Variants in TMC1 observed in about 807,000 individuals in gnomAD.
The protein encoded by TMC1 is transmembrane channel-like protein 1.
In TMC1, 84 loss-of-function variants were observed where a neutral mutation model predicts 105.8. The observed-to-expected ratio is 0.79, with a 90% confidence interval of 0.67 to 0.95. The LOEUF (loss-of-function observed/expected upper bound fraction) is 0.95. Ranked by LOEUF, TMC1 falls within the 40% of genes least tolerant of loss-of-function variation. The pLI is 0.00. For synonymous variants in TMC1, 315 were observed against 311.5 expected (o/e 1.01, Z -0.12); for missense variants, 817 against 914.1 (o/e 0.89, Z 1.37).
At chr9:72,711,774 T>C (rs1291118984) in intron 8 of TMC1, among the ~76,000 whole-genome samples, 2 of 152,236 alleles carry the variant, frequency 1.3e-5, no homozygotes, top group Admixed American at 6.5e-5. Context: ...TCAGTGTAAT[T>C]AGATCCCATT....
chr9:72,819,039 T>C (rs1828831328), intron 19 of TMC1, among the ~76,000 whole-genome samples: 1 of 152,208 alleles, frequency 6.6e-6, no homozygotes, highest in Admixed American at 6.5e-5. Flanking sequence ...ATTTTAGAAT[T>C]GATCAGGTTA....
At chr9:72,640,032 G>C (rs1460792840) in intron 4 of TMC1, among the ~76,000 whole-genome samples, 2 of 151,922 alleles carry the variant, frequency 1.3e-5, no homozygotes, top group African/African-American at 4.8e-5. Context: ...CATATTTCTG[G>C]TTTTGCCAAT....
intron 5 of TMC1, among the ~76,000 whole-genome samples, chr9:72,677,820 A>T (rs1429631417): frequency 1.3e-5 from 2 of 152,242 alleles, no homozygotes; most frequent in Non-Finnish European, 2.9e-5. Context: ...TCATTGATTG[A>T]TCAAGTAACC....
At chr9:72,657,080 A>G (rs1825895667) in intron 5 of TMC1, among the ~76,000 whole-genome samples, 1 of 152,216 alleles carries the variant, frequency 6.6e-6, no homozygotes, top group Non-Finnish European at 1.5e-5. Flanking sequence ...TATTCAGCCA[A>G]AGTTTGAAAG....
intron 17 of TMC1, among the ~76,000 whole-genome samples, chr9:72,798,374 C>G (rs1828409131): frequency 6.6e-6 from 1 of 152,020 alleles, no homozygotes; most frequent in African/African-American, 2.4e-5. Flanking sequence ...GGTATATACC[C>G]AGAGGTATAT....
chr9:72,701,214 T>A (rs1013723856), intron 8 of TMC1, among the ~76,000 whole-genome samples: 1 of 152,146 alleles, frequency 6.6e-6, no homozygotes, highest in Non-Finnish European at 1.5e-5. Context: ...GAATAGTAAA[T>A]AGGATTCCAA....
intron 1 of TMC1, among the ~76,000 whole-genome samples, chr9:72,553,368 C>T (rs1823887121): frequency 6.6e-6 from 1 of 152,054 alleles, no homozygotes; most frequent in Non-Finnish European, 1.5e-5. Context: ...TTATTATTTG[C>T]CATTTTAACC....
intron 1 of TMC1, among the ~76,000 whole-genome samples, chr9:72,536,927 C>T (rs1207328903): frequency 6.6e-6 from 1 of 152,214 alleles, no homozygotes; most frequent in Non-Finnish European, 1.5e-5. Context: ...TGATCTGACC[C>T]TATGGCAGAC....
intron 2 of TMC1, among the ~76,000 whole-genome samples, chr9:72,598,039 A>C (rs1403670550): frequency 6.6e-6 from 1 of 151,054 alleles, no homozygotes; most frequent in East Asian, 1.9e-4. Flanking sequence ...TTGATAACAC[A>C]GATGGGGGTT....
intron 1 of TMC1, among the ~76,000 whole-genome samples, chr9:72,532,803 A>G (rs915201241): frequency 1.3e-5 from 2 of 152,224 alleles, no homozygotes; most frequent in African/African-American, 4.8e-5. Context: ...GACAAAATGC[A>G]GATGTAGTCT....
At chr9:72,572,892 T>G (rs1824311384) in intron 1 of TMC1, among the ~76,000 whole-genome samples, 1 of 152,068 alleles carries the variant, frequency 6.6e-6, no homozygotes. Context: ...CTCGGGAGGC[T>G]GAGGCAGGAG....
intron 10 of TMC1, among the ~76,000 whole-genome samples, chr9:72,744,110 C>T (rs1326959817): frequency 3.9e-5 from 6 of 152,204 alleles, no homozygotes; most frequent in Admixed American, 3.9e-4. Context: ...CTCTCAATAT[C>T]AGATGGGAAT....
intron 2 of TMC1, among the ~76,000 whole-genome samples, chr9:72,593,745 A>G (rs1824676939): frequency 6.6e-6 from 1 of 152,016 alleles, no homozygotes; most frequent in African/African-American, 2.4e-5. Flanking sequence ...GAAGGAAAAG[A>G]AAAGAAAAAT....
intron 2 of TMC1, among the ~76,000 whole-genome samples, chr9:72,606,041 G>T (rs896603973): frequency 5.9e-5 from 9 of 152,078 alleles, no homozygotes; most frequent in Non-Finnish European, 1.3e-4. Flanking sequence ...GAGGTGGTGG[G>T]GGGGTTAGGA....
chr9:72,789,466 C>T (rs1219487964), intron 15 of TMC1, 149 bp downstream of exon 15: 1 of 703,576 alleles, frequency 1.4e-6, no homozygotes, highest in Non-Finnish European at 2.5e-6. Flanking sequence ...GCTCATTTTC[C>T]ATTCTATTCT....
chr9:72,799,493 C>G (rs1340743110), intron 17 of TMC1, among the ~76,000 whole-genome samples: 1 of 151,962 alleles, frequency 6.6e-6, no homozygotes, highest in South Asian at 2.1e-4. Flanking sequence ...GTGTAAAATG[C>G]TAGACATGTA....
At chr9:72,541,163 C>G (rs1280450196) in intron 1 of TMC1, among the ~76,000 whole-genome samples, 3 of 152,176 alleles carry the variant, frequency 2.0e-5, no homozygotes, top group Admixed American at 1.3e-4. Flanking sequence ...GTTACCTTTT[C>G]TGAAATGTCA....
chr9:72,587,108 C>T (rs1824565883), intron 2 of TMC1, among the ~76,000 whole-genome samples: 1 of 152,082 alleles, frequency 6.6e-6, no homozygotes, highest in South Asian at 2.1e-4. Context: ...AATTATCTGG[C>T]CCAAAATATC....
chr9:72,704,164 AT>A (rs1826693758), intron 8 of TMC1, among the ~76,000 whole-genome samples: 1 of 151,998 alleles, frequency 6.6e-6, no homozygotes, highest in African/African-American at 2.4e-5. Flanking sequence ...GTTTCTAAGG[AT>A]TATGTTATTA....
Sources: gnomAD v4.1 joint callset for allele counts (sites outside exome capture counted in the v4.1 genomes callset) on GRCh38, gnomAD v4.1.1 for gene constraint, MANE v1.5 for transcripts, NCBI Gene and HGNC (gene_info 2026-07-23, HGNC 2026-07-21) for gene names.